The following ATP8A2 variants were observed in gnomAD, a reference collection of about 807,000 sequenced individuals.
ATP8A2 encodes ATPase phospholipid transporting 8A2.
ATP8A2 carries 100 observed loss-of-function variants against 165.6 expected under a neutral mutation model. That is an observed-to-expected ratio of 0.60 (90% CI 0.51 to 0.71). The LOEUF is 0.71. Ranked by LOEUF, ATP8A2 falls within the 30% of genes least tolerant of loss-of-function variation. ATP8A2 has a pLI of 0.00. For missense variants in ATP8A2, 1,227 were observed against 1,479.5 expected (o/e 0.83, Z 2.80); for synonymous variants, 543 against 548.8 (o/e 0.99, Z 0.15).
chr13:25,467,262 G>A (rs1461594586), intron 1 of ATP8A2, among the ~76,000 whole-genome samples: 1 of 152,218 alleles, frequency 6.6e-6, no homozygotes, highest in African/African-American at 2.4e-5. Flanking sequence ...CCTGTGACCA[G>A]GGACCTGGCT....
At chr13:25,840,525 A>G (rs1057191249) in intron 30 of ATP8A2, among the ~76,000 whole-genome samples, 7 of 152,186 alleles carry the variant, frequency 4.6e-5, no homozygotes, top group African/African-American at 1.7e-4. Context: ...TAGTCTTTCA[A>G]TTTCATCAGA....
chr13:25,829,510 C>T (rs1593412419), intron 28 of ATP8A2, among the ~76,000 whole-genome samples: 1 of 151,098 alleles, frequency 6.6e-6, no homozygotes, highest in Non-Finnish European at 1.5e-5. Context: ...GCAACCATTT[C>T]GGGGAAATAT....
intron 1 of ATP8A2, among the ~76,000 whole-genome samples, chr13:25,445,224 G>T (rs61947605): frequency 0.026 from 3,965 of 152,118 alleles, 59 homozygotes; most frequent in Middle Eastern, 0.037. Flanking sequence ...AGAAAACTTT[G>T]CCTCCCTTGG....
At chr13:25,882,894 AGATGATGATGAT>A (rs3837558) in intron 33 of ATP8A2, among the ~76,000 whole-genome samples, 1,661 of 147,346 alleles carry the variant, frequency 0.011, 34 homozygotes, top group African/African-American at 0.038. Flanking sequence ...CCTGTGCCTG[AGATGATGATGAT>A]GATGATGATG....
intron 24 of ATP8A2, among the ~76,000 whole-genome samples, chr13:25,609,051 G>A (rs2040588248): frequency 6.6e-6 from 1 of 152,020 alleles, no homozygotes; most frequent in Admixed American, 6.6e-5. Context: ...AATTTTTGTA[G>A]CCTTACCGAT....
At chr13:25,566,851 CAT>C (rs2039328580) in intron 16 of ATP8A2, among the ~76,000 whole-genome samples, 1 of 152,280 alleles carries the variant, frequency 6.6e-6, no homozygotes, top group Middle Eastern at 3.4e-3. Context: ...GGGAAGCAGA[CAT>C]GTGAAATTCT....
chr13:25,844,702 C>T (rs1405204252), intron 30 of ATP8A2, among the ~76,000 whole-genome samples: 2 of 152,142 alleles, frequency 1.3e-5, no homozygotes, highest in Non-Finnish European at 2.9e-5. Context: ...TGCCTGAAGC[C>T]ATCCCTCAGA....
At chr13:25,822,984 G>A (rs1042977962) in intron 27 of ATP8A2, among the ~76,000 whole-genome samples, 4 of 152,140 alleles carry the variant, frequency 2.6e-5, no homozygotes, top group African/African-American at 9.7e-5. Context: ...CAAACAAGTG[G>A]GATAAAGATG....
intron 2 of ATP8A2, among the ~76,000 whole-genome samples, chr13:25,500,675 G>C (rs1008373836): frequency 6.6e-6 from 1 of 152,070 alleles, no homozygotes; most frequent in African/African-American, 2.4e-5. Flanking sequence ...AACCTCCACG[G>C]CTCAGGTGAT....
In ATP8A2 at chr13:25,695,719, G is replaced by T. The variant is rs187308062; in HGVS notation, c.2212-3454G>T. On this transcript the variant is annotated intron_variant, in intron 24 of 36. Transcript: ENST00000381655. Reference sequence around the variant, plus strand: ...TTTGATCATGAGATTGCAGCACATTGTCACATCTTCAGGCTTCACTTCTAA... The same window carrying T: ...TTTGATCATGAGATTGCAGCACATTTTCACATCTTCAGGCTTCACTTCTAA... Among the ~76,000 whole-genome samples, 12 of 152,320 alleles carry T rather than the reference G, an allele frequency of 7.9e-5. No homozygotes were observed. The East Asian group carries it at 9.6e-4, about 12-fold the overall frequency.
intron 33 of ATP8A2, among the ~76,000 whole-genome samples, chr13:25,961,090 A>G (rs1393340229): frequency 6.6e-6 from 1 of 152,262 alleles, no homozygotes; most frequent in Non-Finnish European, 1.5e-5. Context: ...GGCAAGGACT[A>G]TAACCTATTC....
chr13:25,583,612 G>T (rs532781186), intron 23 of ATP8A2, among the ~76,000 whole-genome samples: 3 of 152,102 alleles, frequency 2.0e-5, no homozygotes, highest in Admixed American at 6.5e-5. Flanking sequence ...GCCCTTTTTC[G>T]TGTGTGTTCA....
chr13:25,777,205 A>G (rs139747785), intron 27 of ATP8A2, among the ~76,000 whole-genome samples: 71 of 152,328 alleles, frequency 4.7e-4, no homozygotes, highest in Middle Eastern at 3.4e-3. Context: ...CCAATTTTCT[A>G]TTTAGTATTT....
intron 33 of ATP8A2, among the ~76,000 whole-genome samples, chr13:25,952,887 A>G (rs910648491): frequency 2.0e-5 from 3 of 152,232 alleles, no homozygotes; most frequent in Non-Finnish European, 4.4e-5. Context: ...AAAGGTTCAT[A>G]GTAAAAAGAG....
intron 2 of ATP8A2, among the ~76,000 whole-genome samples, chr13:25,506,051 TTC>T (rs557294301): frequency 1.3e-5 from 2 of 152,226 alleles, no homozygotes; most frequent in Non-Finnish European, 2.9e-5. Flanking sequence ...GCTTTGGTTA[TTC>T]TGAGGAAATT....
intron 2 of ATP8A2, among the ~76,000 whole-genome samples, chr13:25,528,863 T>C (rs1391264889): frequency 6.9e-6 from 1 of 145,186 alleles, no homozygotes; most frequent in East Asian, 2.0e-4. Flanking sequence ...GCAACATGTG[T>C]ATGCATACAT....
At position 25,540,321 on chromosome 13, in the gene ATP8A2, A is replaced by T. The variant is rs370834441; in HGVS notation, c.584A>T (p.Glu195Val). ...GCTCTTTTTTTCTCTCTCCTTAGTG[A>T]ACCTCAGGCAATGTGTTATGTTGAA... ...PADVVLLSSS[E>V]PQAMCYVETA... Residue 195 changes from glutamate to valine, a missense_variant and splice_region_variant, in exon 8 of 37, where the codon GAA becomes GTA. By Grantham distance (121) the Glu-to-Val change is moderately radical. Around this residue, in one of 5 missense-constraint regions of ATP8A2, gnomAD observed 356 missense variants for 394.9 expected, o/e 0.90. Transcript: ENST00000381655. 1.2e-6 allele frequency: 2 copies of T among 1,613,304 alleles called. No individual in the cohort carries two copies.
chr13:25,726,004 C>A (rs2138058195), intron 25 of ATP8A2, among the ~76,000 whole-genome samples: 1 of 152,316 alleles, frequency 6.6e-6, no homozygotes. Flanking sequence ...AACTCAAATA[C>A]CATTGCTAAA....
chr13:25,875,540 A>G (rs1404223203), intron 33 of ATP8A2, among the ~76,000 whole-genome samples: 2 of 151,874 alleles, frequency 1.3e-5, no homozygotes, highest in African/African-American at 2.4e-5. Context: ...TACAATTATA[A>G]TTGTATAAAT....
Sources: gnomAD v4.1 joint callset for allele counts (sites outside exome capture counted in the v4.1 genomes callset) on GRCh38, gnomAD v4.1.1 for gene constraint, gnomAD v4.1.1 regional missense constraint, MANE v1.5 for transcripts, NCBI Gene and HGNC (gene_info 2026-07-23, HGNC 2026-07-21) for gene names.